EML6: variants seen among roughly 807,000 people sequenced by gnomAD.
The protein encoded by EML6 is echinoderm microtubule-associated protein-like 6.
A neutral mutation model predicts 240.1 loss-of-function variants in EML6; 154 were observed. That is an observed-to-expected ratio of 0.64 (90% confidence interval 0.56 to 0.73). The LOEUF (loss-of-function observed/expected upper bound fraction) is 0.73. Ranked by LOEUF, EML6 falls within the 30% of genes least tolerant of loss-of-function variation. EML6 has a pLI of 0.00. For missense variants in EML6, 2,964 were observed against 2,474.6 expected (o/e 1.20, Z -4.20); for synonymous variants, 1,148 against 899.0 (o/e 1.28, Z -4.95).
At chr2:54,964,524 C>T in intron 37 of EML6, 47 bp from the exon 38 acceptor site, 2 of 1,539,960 alleles carry the variant, frequency 1.3e-6, no homozygotes, top group Non-Finnish European at 1.8e-6. Context: ...CTGACCAGCC[C>T]CAAACAGCCC....
chr2:54,960,153 G>GGGCC, intron 34 of EML6, 67 bp from the exon 35 acceptor site: 1 of 1,156,052 alleles, frequency 8.7e-7, no homozygotes, highest in Non-Finnish European at 1.3e-6. Flanking sequence ...AGAGGGGAGA[G>GGGCC]GGCCGGAGGG....
intron 13 of EML6, among the ~76,000 whole-genome samples, chr2:54,865,730 G>A (rs1371019): frequency 0.94 from 142,422 of 152,306 alleles, 66,699 homozygotes; most frequent in Middle Eastern, 0.99. Flanking sequence ...AAACATTTCA[G>A]ATAAGGAATA....
intron 28 of EML6, among the ~76,000 whole-genome samples, chr2:54,948,654 C>G (rs116080386): frequency 2.0e-5 from 3 of 152,168 alleles, no homozygotes; most frequent in Non-Finnish European, 2.9e-5. Context: ...ACCCTGACCA[C>G]GGTGCCTCAA....
rs1169932042 is a variant in EML6, at chr2:54,903,174, C to T, written c.3255C>T (p.Ile1085=). The part of the protein sequence containing the change: ...MVSFHHRKEM[I]SDIKFSKDTG... The stretch of plus-strand genomic sequence containing the variant: ...CTTTCCATCACAGAAAAGAAATGAT[C>T]TCTGATATTAAGTTTTCAAAAGGTG... Residue 1085 remains isoleucine (I), a synonymous_variant, in exon 23 of 42, where the codon ATC becomes ATT. Coordinates refer to ENST00000356458, the MANE Select transcript of EML6 (RefSeq NM_001039753.4). The T allele has an allele frequency of 1.9e-6, 3 of 1,551,934 alleles. No homozygotes were observed. In the East Asian group the frequency reaches 7.3e-5, roughly 38 times the overall value.
At chr2:54,837,679 T>C (rs1307355103) in intron 7 of EML6, among the ~76,000 whole-genome samples, 3 of 152,232 alleles carry the variant, frequency 2.0e-5, no homozygotes, top group South Asian at 4.1e-4. Context: ...CTGGGCACTC[T>C]GAATTTTCAA....
intron 28 of EML6, among the ~76,000 whole-genome samples, chr2:54,938,488 C>A (rs1183569126): frequency 2.6e-5 from 4 of 152,166 alleles, no homozygotes; most frequent in East Asian, 1.9e-4. Context: ...CAAGAGGCTT[C>A]CTTTATTTCT....
intron 2 of EML6, among the ~76,000 whole-genome samples, chr2:54,765,449 G>T (rs1167782919): frequency 6.6e-6 from 1 of 152,010 alleles, no homozygotes; most frequent in Non-Finnish European, 1.5e-5. Flanking sequence ...CAAATTTTAT[G>T]CATTCTTTTA....
intron 17 of EML6, 147 bp from the exon 18 acceptor site, chr2:54,890,907 A>G (rs1030787588): frequency 4.0e-5 from 18 of 451,696 alleles, no homozygotes; most frequent in African/African-American, 5.8e-5. Flanking sequence ...CGTTATTTTA[A>G]TGTAGATGCC....
chr2:54,955,922 T>A (rs1180774293), intron 32 of EML6, among the ~76,000 whole-genome samples: 1 of 152,242 alleles, frequency 6.6e-6, no homozygotes, highest in African/African-American at 2.4e-5. Flanking sequence ...TACTTACAGA[T>A]AAATAGCATG....
chr2:54,742,770 A>G (rs1177645421), intron 2 of EML6, among the ~76,000 whole-genome samples: 1 of 152,188 alleles, frequency 6.6e-6, no homozygotes, highest in Admixed American at 6.5e-5. Context: ...TAAAGCATAT[A>G]AGGAGCTTTG....
intron 28 of EML6, among the ~76,000 whole-genome samples, chr2:54,929,133 G>A (rs999124028): frequency 6.6e-6 from 1 of 152,184 alleles, no homozygotes; most frequent in African/African-American, 2.4e-5. Context: ...GGTCATGGAG[G>A]AATGGCTGCA....
At chr2:54,852,517 A>T (rs2033411) in intron 10 of EML6, among the ~76,000 whole-genome samples, 66,157 of 151,954 alleles carry the variant, frequency 0.44, 14,624 homozygotes, top group South Asian at 0.56. Flanking sequence ...TATTTCTAGT[A>T]TCTTTGTTGG....
In EML6 at chr2:54,827,743, G is replaced by T; in HGVS notation, c.703G>T (p.Ala235Ser). 1 of 1,550,982 alleles carries T rather than the reference G, an allele frequency of 6.4e-7. No individual in the cohort carries two copies. The highest frequency in any genetic ancestry group is 8.7e-7 in the Non-Finnish European group (1 of 1,146,344). Reference sequence around the variant, plus strand: ...CAATTTAGTCCGCACCATTCAAGGAGCACATAGTGTAAGTATTACCTTGTG... The same window carrying T: ...CAATTTAGTCCGCACCATTCAAGGATCACATAGTGTAAGTATTACCTTGTG... ...GLNLVRTIQG[A>S]HSAGIFSMYA... Residue 235 changes from alanine (A) to serine (S), a missense_variant, in exon 6 of 42, where the codon GCA (alanine) becomes TCA (serine). By Grantham distance (99) the Ala-to-Ser change is moderately conservative. Coordinates refer to ENST00000356458, the MANE Select transcript of EML6 (RefSeq NM_001039753.4).
chr2:54,942,817 G>A (rs1266535625), intron 28 of EML6, among the ~76,000 whole-genome samples: 2 of 151,974 alleles, frequency 1.3e-5, no homozygotes, highest in African/African-American at 4.8e-5. Flanking sequence ...CTCATTCCCG[G>A]GTACACCTGA....
chr2:54,814,510 C>T (rs908641851), intron 3 of EML6, among the ~76,000 whole-genome samples: 1 of 152,198 alleles, frequency 6.6e-6, no homozygotes, highest in Non-Finnish European at 1.5e-5. Flanking sequence ...TCTCCCCAAC[C>T]GCCTCCGTTT....
chr2:54,801,328 AAAAAAAGG>A (rs1670132536), intron 2 of EML6, among the ~76,000 whole-genome samples: 2 of 152,062 alleles, frequency 1.3e-5, no homozygotes, highest in Admixed American at 6.6e-5. Flanking sequence ...AGAAAAAAAA[AAAAAAAGG>A]TTTCTCATTG....
chr2:54,731,522 T>G (rs1157401841), intron 2 of EML6, among the ~76,000 whole-genome samples: 2 of 151,828 alleles, frequency 1.3e-5, no homozygotes, highest in Non-Finnish European at 2.9e-5. Flanking sequence ...GTGCCTATGG[T>G]CTCAGCTACT....
chr2:54,936,493 A>C (rs1320649364), intron 28 of EML6, among the ~76,000 whole-genome samples: 1 of 152,234 alleles, frequency 6.6e-6, no homozygotes, highest in East Asian at 1.9e-4. Flanking sequence ...CATTCTACAG[A>C]AACCCAACTT....
At position 54,938,745 on chromosome 2, in the gene EML6, C is replaced by G. The variant is rs115538540; in HGVS notation, c.4004+9994C>G. Among the ~76,000 whole-genome samples, 460 of 152,352 alleles carry G rather than the reference C, an allele frequency of 3.0e-3. 1 individual carries two copies. The highest frequency in any genetic ancestry group is 0.011 in the African/African-American group (442 of 41,584). ...ACAATGTGATGGGTTCCTTGGACAT[C>G]TTCTGGCTGCACCTGTTCGGATCTC... On this transcript the variant is annotated intron_variant, in intron 28 of 41. Coordinates refer to ENST00000356458, the MANE Select transcript of EML6 (RefSeq NM_001039753.4).
Sources: allele counts gnomAD v4.1 joint callset (sites outside exome capture counted in the v4.1 genomes callset), GRCh38; gene constraint gnomAD v4.1.1; transcripts MANE v1.5; gene names NCBI Gene and HGNC (gene_info 2026-07-23, HGNC 2026-07-21).